SOS1: variants seen among roughly 807,000 people sequenced by gnomAD.
The protein encoded by SOS1 is son of sevenless homolog 1.
In SOS1, 25 loss-of-function variants were observed where a neutral mutation model predicts 157.6. That is an observed-to-expected ratio of 0.16 (90% CI 0.12 to 0.22). SOS1 has a LOEUF of 0.22. Ranked by LOEUF, SOS1 falls within the 10% of genes least tolerant of loss-of-function variation. The pLI is 1.00. For missense variants in SOS1, 1,237 were observed against 1,599.1 expected, an observed-to-expected ratio of 0.77 and a Z score of 3.86; for synonymous variants, 528 against 534.0, an observed-to-expected ratio of 0.99 and a Z score of 0.16.
chr2:39,051,067 A>G (rs999907267), intron 6 of SOS1, 77 bp downstream of exon 6: 2 of 1,333,482 alleles, frequency 1.5e-6, no homozygotes, highest in Non-Finnish European at 1.1e-6. Context: ...TTTAGCTGGA[A>G]AGAAGTAAGA....
intron 1 of SOS1, among the ~76,000 whole-genome samples, chr2:39,085,536 A>G (rs374546646): frequency 6.6e-6 from 1 of 152,212 alleles, no homozygotes; most frequent in Non-Finnish European, 1.5e-5. Flanking sequence ...ATAACCTCTA[A>G]GCAGGAGATT....
rs371482290 is a variant in SOS1 at position 39,054,659 on chromosome 2, A to C, written c.675T>G (p.Val225=). The C allele has an allele frequency of 2.9e-5, 46 of 1,595,124 alleles. No individual in the cohort carries two copies. The highest frequency in any genetic ancestry group is 3.0e-5 in the Non-Finnish European group (35 of 1,163,132). The change falls in exon 5 of 23, where the codon GTT becomes GTG. Residue 225 remains valine, a synonymous_variant. Transcript: ENST00000402219. ...YIRELNLIIK[V]FREPFVSNSK... is the part of the protein sequence containing the mutation. ...AATTGGAGACAAAGGGCTCTCTAAA[A>C]ACTTTTATAATTAGATTTAGTTCCC...
At chr2:39,061,585 C>T (rs1282200607) in intron 2 of SOS1, among the ~76,000 whole-genome samples, 1 of 152,046 alleles carries the variant, frequency 6.6e-6, no homozygotes, top group African/African-American at 2.4e-5. Flanking sequence ...TGAGATCCTG[C>T]TATGTTGCCC....
intron 1 of SOS1, among the ~76,000 whole-genome samples, chr2:39,105,202 G>A (rs1444285956): frequency 6.6e-6 from 1 of 151,896 alleles, no homozygotes; most frequent in Admixed American, 6.6e-5. Context: ...TGAAATTTAA[G>A]TTAGCTTACT....
intron 2 of SOS1, 64 bp downstream of exon 2, chr2:39,067,564 C>G: frequency 6.9e-7 from 1 of 1,442,794 alleles, no homozygotes; most frequent in Non-Finnish European, 9.8e-7. Context: ...TTTCCCTGTT[C>G]ACTGACATTA....
intron 6 of SOS1, among the ~76,000 whole-genome samples, chr2:39,047,324 C>G (rs1009549065): frequency 6.6e-6 from 1 of 152,146 alleles, no homozygotes; most frequent in Non-Finnish European, 1.5e-5. Flanking sequence ...TGTGAACATT[C>G]TTCAATATGT....
chr2:39,072,910 G>A (rs1412321862), intron 1 of SOS1, among the ~76,000 whole-genome samples: 1 of 151,926 alleles, frequency 6.6e-6, no homozygotes, highest in Non-Finnish European at 1.5e-5. Context: ...AAAAACAAAG[G>A]CAATGGTCCA....
At chr2:39,081,785 C>T (rs542056656) in intron 1 of SOS1, among the ~76,000 whole-genome samples, 30 of 151,828 alleles carry the variant, frequency 2.0e-4, no homozygotes, top group African/African-American at 6.8e-4. Flanking sequence ...CAGTGCACTC[C>T]AGCCTGGCCA....
intron 20 of SOS1, among the ~76,000 whole-genome samples, chr2:38,990,844 A>T (rs1668711196): frequency 6.6e-6 from 1 of 152,246 alleles, no homozygotes; most frequent in Non-Finnish European, 1.5e-5. Flanking sequence ...AAAATACTAT[A>T]GAAATTCTTT....
In SOS1 at chr2:39,035,231, T is replaced by C; in HGVS notation, c.1055A>G (p.His352Arg). Residue 352 changes from histidine (H) to arginine (R), a missense_variant, in exon 8 of 23, where the codon CAT (histidine) becomes CGT (arginine). Physicochemically the swap from His to Arg is conservative, Grantham distance 29. This residue lies in a region of SOS1 where 101 missense variants were observed against 171.5 expected (regional missense o/e 0.59). Transcript: ENST00000402219. ...TCTTACCTTCAAAAGTTCAAAGTAA[T>C]GGAGACAGTGGTAAACAGGGGCCAG... ...LLLAPVYHCL[H>R]YFELLKQLEE... 1.2e-6 allele frequency: 2 copies of C among 1,611,718 alleles called. No homozygotes were observed. The highest frequency in any genetic ancestry group is 1.1e-5 in the South Asian group (1 of 90,986).
chr2:38,993,636 A>C (rs1668798826), intron 20 of SOS1: 1 of 152,216 alleles, frequency 6.6e-6, no homozygotes, highest in African/African-American at 2.4e-5. Context: ...GAATCTTAAA[A>C]ATCGAATTTG....
intron 2 of SOS1, among the ~76,000 whole-genome samples, chr2:39,064,800 G>A (rs1013455782): frequency 7.7e-5 from 9 of 116,472 alleles, no homozygotes; most frequent in Non-Finnish European, 1.4e-4. Flanking sequence ...CCAGGCTGGA[G>A]TACAGTGGTG....
intron 3 of SOS1, among the ~76,000 whole-genome samples, chr2:39,057,884 A>T (rs1389780638): frequency 3.1e-5 from 2 of 64,054 alleles, no homozygotes; most frequent in African/African-American, 1.4e-4. Flanking sequence ...GCAAACCTGA[A>T]CTTTCTAACA....
chr2:39,054,022 G>A (rs1376218446), intron 5 of SOS1, among the ~76,000 whole-genome samples: 2 of 151,884 alleles, frequency 1.3e-5, no homozygotes, highest in Non-Finnish European at 2.9e-5. Flanking sequence ...CCGCCTCCCA[G>A]GTTCACGCCA....
chr2:39,082,438 G>A (rs902980723), intron 1 of SOS1, among the ~76,000 whole-genome samples: 1 of 151,336 alleles, frequency 6.6e-6, no homozygotes, highest in Non-Finnish European at 1.5e-5. Context: ...TACATTTCTG[G>A]CAAAAAAAAC....
intron 22 of SOS1, among the ~76,000 whole-genome samples, chr2:38,986,894 G>C (rs1018687963): frequency 6.6e-6 from 1 of 152,054 alleles, no homozygotes; most frequent in African/African-American, 2.4e-5. Context: ...AGAGTGTCTT[G>C]TCTTGACTTA....
upstream of SOS1, among the ~76,000 whole-genome samples, chr2:39,123,584 C>T (rs1032348515): frequency 6.6e-6 from 1 of 152,058 alleles, no homozygotes; most frequent in African/African-American, 2.4e-5. Flanking sequence ...TCTCGAACTC[C>T]TGACCTCAAG....
chr2:38,983,782 G>A lies in SOS1; in HGVS notation c.*2042C>T, dbSNP rs749174823. ...ACTGTCTATCATGATTAGTTGTAGC[G>A]GCTCTAGTAAGTTGGCTCACATAAA... On this transcript the variant is annotated 3_prime_UTR_variant, in exon 23 of 23. Coordinates refer to ENST00000402219, the MANE Select transcript of SOS1 (RefSeq NM_005633.4). 8.5e-5 allele frequency: 13 copies of A among 152,128 alleles called. No homozygotes were observed. Among genetic ancestry groups the A allele is most frequent in the East Asian group, 3.8e-4 (2 of 5,200 alleles). 9.4% of individuals were successfully genotyped at this position (152,128 alleles called of 1,614,324 possible).
At chr2:39,003,067 A>AAAAAAAAAAAAG (rs1669161951) in intron 17 of SOS1, among the ~76,000 whole-genome samples, 1 of 43,062 alleles carries the variant, frequency 2.3e-5, no homozygotes, top group Non-Finnish European at 4.4e-5. Context: ...ACCTTGTATC[A>AAAAAAAAAAAAG]AAAAAAAAAA....
Sources: allele counts gnomAD v4.1 joint callset (sites outside exome capture counted in the v4.1 genomes callset), GRCh38; gene constraint gnomAD v4.1.1; regional missense constraint gnomAD v4.1.1; transcripts MANE v1.5; gene names NCBI Gene and HGNC (gene_info 2026-07-23, HGNC 2026-07-21).